ZNF804A: variants seen among roughly 807,000 people sequenced by gnomAD.
ZNF804A encodes the protein zinc finger protein 804A.
A neutral mutation model predicts 16.5 loss-of-function variants in ZNF804A; 2 were observed. The ratio of observed to expected loss-of-function variants is 0.12; its 90% CI spans 0.05 to 0.38. The LOEUF (loss-of-function observed/expected upper bound fraction) is 0.38, where lower values mean the gene tolerates loss of function less well. ZNF804A is among the 10% of genes least tolerant of loss of function. The probability of loss-of-function intolerance (pLI) is 0.99; values close to 1 mark genes in which losing one functional copy is unlikely to be tolerated. For missense variants in ZNF804A, 1,473 were observed against 1,390.7 expected (o/e 1.06, Z -0.94); for synonymous variants, 534 against 489.6 (o/e 1.09, Z -1.20).
intron 1 of ZNF804A, among the ~76,000 whole-genome samples, chr2:184,632,524 T>A (rs941183972): frequency 6.8e-4 from 104 of 152,134 alleles, no homozygotes; most frequent in Non-Finnish European, 1.0e-3. Context: ...GCCTCCTGAG[T>A]ATCTGGGATT....
intron 1 of ZNF804A, among the ~76,000 whole-genome samples, chr2:184,836,833 C>T (rs1695355728): frequency 1.3e-5 from 2 of 151,760 alleles, no homozygotes; most frequent in African/African-American, 2.4e-5. Context: ...CTTAGCGTGC[C>T]ATATGCTTTG....
chr2:184,854,059 A>G (rs1025205046), intron 1 of ZNF804A, among the ~76,000 whole-genome samples: 1 of 151,750 alleles, frequency 6.6e-6, no homozygotes, highest in African/African-American at 2.4e-5. Context: ...CTTTGATGGG[A>G]GACTTCTTAT....
chr2:184,918,014 T>C (rs1292543601), intron 2 of ZNF804A, among the ~76,000 whole-genome samples: 1 of 152,098 alleles, frequency 6.6e-6, no homozygotes, highest in African/African-American at 2.4e-5. Context: ...TTTTTGAGGG[T>C]CTTGTCCATT....
At chr2:184,653,410 T>G (rs564462673) in intron 1 of ZNF804A, among the ~76,000 whole-genome samples, 2 of 152,142 alleles carry the variant, frequency 1.3e-5, no homozygotes, top group African/African-American at 4.8e-5. Flanking sequence ...GCAACATCAG[T>G]TCTCGCCTCC....
rs573958526 is a variant in ZNF804A at position 184,835,696 on chromosome 2, A to C, written c.112-30673A>C. Among the ~76,000 whole-genome samples the C allele has an allele frequency of 8.6e-5, 13 of 151,584 alleles. No individual in the cohort carries two copies. In the South Asian group the frequency reaches 2.3e-3, roughly 27 times the overall value. On this transcript the variant is annotated intron_variant, in intron 1 of 3. Transcript: ENST00000302277. ...AAAAAACAGAAAAAAGATGAAAAAG[A>C]GGTGACCTTAAGTGGAACCGTAAAG...
chr2:184,817,773 A>G (rs555354810), intron 1 of ZNF804A, among the ~76,000 whole-genome samples: 1 of 152,152 alleles, frequency 6.6e-6, no homozygotes, highest in African/African-American at 2.4e-5. Flanking sequence ...ACAGGTATCA[A>G]TACCAGAATA....
chr2:184,798,833 T>A (rs1694677281), intron 1 of ZNF804A, among the ~76,000 whole-genome samples: 1 of 152,076 alleles, frequency 6.6e-6, no homozygotes, highest in African/African-American at 2.4e-5. Flanking sequence ...CCAGAGTTGG[T>A]TTTTTGGTTC....
At chr2:184,889,692 T>A (rs1346114611) in intron 2 of ZNF804A, among the ~76,000 whole-genome samples, 1 of 151,898 alleles carries the variant, frequency 6.6e-6, no homozygotes, top group Non-Finnish European at 1.5e-5. Flanking sequence ...CACATTTGTG[T>A]GTATGTGTTT....
At chr2:184,904,684 T>C (rs1396648703) in intron 2 of ZNF804A, among the ~76,000 whole-genome samples, 2 of 152,078 alleles carry the variant, frequency 1.3e-5, no homozygotes, top group African/African-American at 4.8e-5. Context: ...GATCATTAAT[T>C]AATTTTGAGT....
rs780265208 is a variant in ZNF804A, at chr2:184,937,859, C to A, written c.2463C>A (p.Pro821=). 15 of 1,613,942 alleles carry A rather than the reference C, an allele frequency of 9.3e-6. No homozygotes were observed. In the East Asian group the frequency reaches 3.3e-4, roughly 36 times the overall value. Residue 821 remains proline (P), a synonymous_variant, in exon 4 of 4, where the codon CCC becomes CCA. Coordinates refer to ENST00000302277, the MANE Select transcript of ZNF804A (RefSeq NM_194250.2). ...GGCGAAAAAGAGGCAGATTCCACCC[C>A]GGATTTGAAACTTTAGAACTCAAAG... is the stretch of plus-strand genomic sequence containing the variant. The part of the protein sequence containing the change: ...KRRRKRGRFH[P]GFETLELKEN...
chr2:184,756,215 A>G (rs1195412576), intron 1 of ZNF804A, among the ~76,000 whole-genome samples: 3 of 151,766 alleles, frequency 2.0e-5, no homozygotes, highest in Non-Finnish European at 4.4e-5. Flanking sequence ...ATTATTTAAA[A>G]GGGACTTTAT....
chr2:184,790,103 A>G (rs527900925), intron 1 of ZNF804A, among the ~76,000 whole-genome samples: 9 of 152,120 alleles, frequency 5.9e-5, no homozygotes, highest in African/African-American at 2.2e-4. Flanking sequence ...AAGAAGCAAC[A>G]TGTTTATTTT....
At chr2:184,788,246 A>G (rs574369113) in intron 1 of ZNF804A, among the ~76,000 whole-genome samples, 6 of 152,056 alleles carry the variant, frequency 3.9e-5, no homozygotes, top group African/African-American at 1.4e-4. Flanking sequence ...CTATAGCCTT[A>G]TAGTATAATT....
chr2:184,630,879 TA>T (rs1691595736), intron 1 of ZNF804A, among the ~76,000 whole-genome samples: 1 of 152,132 alleles, frequency 6.6e-6, no homozygotes, highest in South Asian at 2.1e-4. Context: ...AAAAATACAT[TA>T]AAAATATTTT....
chr2:184,805,118 A>C (rs1694782804), intron 1 of ZNF804A, among the ~76,000 whole-genome samples: 3 of 152,166 alleles, frequency 2.0e-5, no homozygotes, highest in Non-Finnish European at 4.4e-5. Flanking sequence ...TATACTAATA[A>C]ACAAGAAACA....
intron 2 of ZNF804A, among the ~76,000 whole-genome samples, chr2:184,912,278 TA>T (rs1200219792): frequency 6.6e-6 from 1 of 152,076 alleles, no homozygotes; most frequent in Non-Finnish European, 1.5e-5. Context: ...TTATTTCCCA[TA>T]CAATACAATT....
At chr2:184,644,969 C>T (rs779226874) in intron 1 of ZNF804A, among the ~76,000 whole-genome samples, 2 of 151,984 alleles carry the variant, frequency 1.3e-5, no homozygotes. Flanking sequence ...AGTAAGTTTA[C>T]ATTTCCTTTT....
intron 1 of ZNF804A, among the ~76,000 whole-genome samples, chr2:184,704,621 A>G (rs1216161344): frequency 1.3e-5 from 2 of 152,222 alleles, no homozygotes; most frequent in South Asian, 2.1e-4. Flanking sequence ...TGAATTAAAA[A>G]GAGTTAAGAG....
chr2:184,863,920 T>C (rs1695835979), intron 1 of ZNF804A, among the ~76,000 whole-genome samples: 1 of 152,294 alleles, frequency 6.6e-6, no homozygotes, highest in South Asian at 2.1e-4. Flanking sequence ...TTTAACATAT[T>C]GGAAGAATCA....
Sources: gnomAD v4.1 joint callset for allele counts (sites outside exome capture counted in the v4.1 genomes callset) on GRCh38, gnomAD v4.1.1 for gene constraint, MANE v1.5 for transcripts, NCBI Gene and HGNC (gene_info 2026-07-23, HGNC 2026-07-21) for gene names.